Variants in ANKRD6 observed in about 807,000 individuals in gnomAD.
The protein encoded by ANKRD6 is ankyrin repeat domain 6.
Under a neutral mutation model 82.3 loss-of-function variants are expected in ANKRD6, and 56 were observed. That is an observed-to-expected ratio of 0.68 (90% CI 0.55 to 0.85). The LOEUF (loss-of-function observed/expected upper bound fraction) is 0.85, where lower values mean the gene tolerates loss of function less well. Among genes scored for constraint, ANKRD6 ranks in the 40% least tolerant of loss-of-function variants. The pLI is 0.00. For synonymous variants in ANKRD6, 347 were observed against 352.1 expected (o/e 0.99, Z 0.16); for missense variants, 852 against 907.6 (o/e 0.94, Z 0.79).
chr6:89,553,114 A>T (rs113226851), intron 1 of ANKRD6, among the ~76,000 whole-genome samples: 11,019 of 152,250 alleles, frequency 0.072, 534 homozygotes, highest in Middle Eastern at 0.16. Flanking sequence ...AGAGTGAGGG[A>T]TGAGAGGGAA....
At chr6:89,614,849 A>C (rs1156935918) in intron 7 of ANKRD6, among the ~76,000 whole-genome samples, 4 of 147,652 alleles carry the variant, frequency 2.7e-5, no homozygotes, top group Non-Finnish European at 4.5e-5. Context: ...AAAAAAAAAA[A>C]AACAAAAAAA....
intron 1 of ANKRD6, among the ~76,000 whole-genome samples, chr6:89,527,577 G>A (rs1030223464): frequency 8.6e-4 from 93 of 108,664 alleles, no homozygotes; most frequent in African/African-American, 3.3e-3. Flanking sequence ...CTAGGTAACT[G>A]AGCAAGACAG....
At chr6:89,538,174 T>G (rs1784077166) in intron 1 of ANKRD6, among the ~76,000 whole-genome samples, 1 of 152,222 alleles carries the variant, frequency 6.6e-6, no homozygotes, top group Non-Finnish European at 1.5e-5. Context: ...AAGGTCATAG[T>G]CATTGGGTGA....
intron 2 of ANKRD6, among the ~76,000 whole-genome samples, chr6:89,577,538 A>G (rs764660911): frequency 5.9e-5 from 9 of 152,330 alleles, no homozygotes; most frequent in Admixed American, 5.9e-4. Context: ...CTTAGTGCCA[A>G]GCATTGGCCA....
At chr6:89,440,043 A>G (rs1418750844) in intron 1 of ANKRD6, among the ~76,000 whole-genome samples, 1 of 152,170 alleles carries the variant, frequency 6.6e-6, no homozygotes, top group East Asian at 1.9e-4. Flanking sequence ...TGGTGCTCAT[A>G]TTGGTGTAGT....
intron 1 of ANKRD6, among the ~76,000 whole-genome samples, chr6:89,549,710 G>T (rs1157839471): frequency 6.6e-6 from 1 of 152,096 alleles, no homozygotes; most frequent in Non-Finnish European, 1.5e-5. Context: ...CTGCTTTTTA[G>T]AGTGGTGAGG....
intron 2 of ANKRD6, among the ~76,000 whole-genome samples, chr6:89,577,424 C>T (rs1791363538): frequency 6.6e-6 from 1 of 152,198 alleles, no homozygotes; most frequent in African/African-American, 2.4e-5. Flanking sequence ...AACATATTCT[C>T]TCCAGTTCCC....
At chr6:89,481,080 A>C (rs1776754025) in intron 1 of ANKRD6, among the ~76,000 whole-genome samples, 1 of 152,188 alleles carries the variant, frequency 6.6e-6, no homozygotes, top group Non-Finnish European at 1.5e-5. Flanking sequence ...GCAGTTTAGG[A>C]CATATTTCTC....
intron 9 of ANKRD6, among the ~76,000 whole-genome samples, chr6:89,620,751 T>C (rs1445682314): frequency 6.6e-6 from 1 of 152,178 alleles, no homozygotes; most frequent in Non-Finnish European, 1.5e-5. Context: ...CTCCCCGTTT[T>C]TCTTTCTTTT....
At chr6:89,579,539 G>A (rs974059236) in intron 2 of ANKRD6, among the ~76,000 whole-genome samples, 9 of 152,116 alleles carry the variant, frequency 5.9e-5, no homozygotes, top group African/African-American at 2.2e-4. Context: ...GGGAGGTCAA[G>A]GCTGGTGGAT....
At chr6:89,582,968 C>T (rs1014433502) in intron 2 of ANKRD6, among the ~76,000 whole-genome samples, 3 of 152,232 alleles carry the variant, frequency 2.0e-5, no homozygotes, top group African/African-American at 7.2e-5. Context: ...CCTGAGTCAG[C>T]TGTCCTTGGA....
At chr6:89,468,089 C>T (rs138231914) in intron 1 of ANKRD6, among the ~76,000 whole-genome samples, 43 of 152,226 alleles carry the variant, frequency 2.8e-4, no homozygotes, top group African/African-American at 8.4e-4. Context: ...AGAAATTAGG[C>T]GACCCACACC....
chr6:89,463,374 T>C (rs898436217), intron 1 of ANKRD6, among the ~76,000 whole-genome samples: 1 of 152,186 alleles, frequency 6.6e-6, no homozygotes, highest in Non-Finnish European at 1.5e-5. Context: ...TGGAATGTCA[T>C]TTAAAAAACA....
At chr6:89,569,650 C>T (rs886387740) in intron 2 of ANKRD6, among the ~76,000 whole-genome samples, 90 of 152,210 alleles carry the variant, frequency 5.9e-4, no homozygotes, top group African/African-American at 2.1e-3. Flanking sequence ...ATCTGTTTAA[C>T]ACGTTAAGAA....
rs1250037272 is a variant in ANKRD6, at chr6:89,613,850, T to C, written c.575T>C (p.Leu192Pro). ...TATAATCACTTGTCCATCATTAGGC[T>C]CCTCCTCACTGCTTTCTGTTCTGTC... ...ARYNHLSIIR[L>P]LLTAFCSVHE... Residue 192 changes from leucine (L) to proline (P), a missense_variant, in exon 7 of 16, where the codon CTC (leucine) becomes CCC (proline). Coordinates refer to ENST00000339746, the MANE Select transcript of ANKRD6 (RefSeq NM_001242809.2). 6.2e-7 allele frequency: 1 copy of C among 1,613,934 alleles called. No individual in the cohort carries two copies. Among genetic ancestry groups the C allele is most frequent in the Non-Finnish European group, 8.5e-7 (1 of 1,179,894 alleles).
chr6:89,464,511 G>A (rs143875139), intron 1 of ANKRD6, among the ~76,000 whole-genome samples: 1 of 152,294 alleles, frequency 6.6e-6, no homozygotes, highest in Non-Finnish European at 1.5e-5. Flanking sequence ...GGAGGCTAGA[G>A]CAGGAACATC....
At chr6:89,502,209 T>A (rs1036600862) in intron 1 of ANKRD6, among the ~76,000 whole-genome samples, 1 of 152,254 alleles carries the variant, frequency 6.6e-6, no homozygotes, top group Non-Finnish European at 1.5e-5. Flanking sequence ...ACTGCCTGTT[T>A]ATTTGAAAAA....
In ANKRD6 at chr6:89,595,947, A is replaced by G. The variant is rs1267990097; in HGVS notation, c.152A>G (p.Asn51Ser). The change falls in exon 3 of 16, where the codon AAT becomes AGT. Residue 51 changes from asparagine (N) to serine (S), a missense_variant. Physicochemically the swap from Asn to Ser is conservative, Grantham distance 46. Transcript: ENST00000339746. ...CGGACTCCCCTGCATCTTGCTGCCA[A>G]TAAGGGCCATCTTCCTGTGGTCCAG... ...HGRTPLHLAANKGHLPVVQIL... is the reference protein window; with the variant it reads ...HGRTPLHLAASKGHLPVVQIL... The G allele has an allele frequency of 6.8e-6, 11 of 1,610,636 alleles. No individual in the cohort carries two copies. Among genetic ancestry groups the G allele is most frequent in the African/African-American group, 1.3e-5 (1 of 74,880 alleles).
intron 1 of ANKRD6, among the ~76,000 whole-genome samples, chr6:89,439,724 G>C (rs572477305): frequency 1.3e-5 from 2 of 152,050 alleles, no homozygotes; most frequent in East Asian, 3.9e-4. Flanking sequence ...TCCGAGACAG[G>C]GTCTCATTCT....
Sources: gnomAD v4.1 joint callset for allele counts (sites outside exome capture counted in the v4.1 genomes callset) on GRCh38, gnomAD v4.1.1 for gene constraint, MANE v1.5 for transcripts, NCBI Gene and HGNC (gene_info 2026-07-23, HGNC 2026-07-21) for gene names.